PSMA7: variants seen among roughly 807,000 people sequenced by gnomAD.
PSMA7 encodes the protein proteasome 20S subunit alpha 7, also known as proteasome subunit alpha type-7.
Under a neutral mutation model 31.3 loss-of-function variants are expected in PSMA7, and 5 were observed. The ratio of observed to expected loss-of-function variants is 0.16; its 90% CI spans 0.08 to 0.34. The LOEUF (loss-of-function observed/expected upper bound fraction) is 0.34, where lower values mean the gene tolerates loss of function less well. PSMA7 is among the 10% of genes least tolerant of loss of function. The probability of loss-of-function intolerance (pLI) is 1.00; values close to 1 mark genes in which losing one functional copy is unlikely to be tolerated. For missense variants in PSMA7, 217 were observed against 327.5 expected, an observed-to-expected ratio of 0.66 and a Z score of 2.60; for synonymous variants, 155 against 121.9, an observed-to-expected ratio of 1.27 and a Z score of -1.79.
chr20:62,141,666 T>C (rs141608892), intron 1 of PSMA7, among the ~76,000 whole-genome samples: 132 of 152,354 alleles, frequency 8.7e-4, no homozygotes, highest in African/African-American at 2.9e-3. Context: ...CTGAAGGCAG[T>C]GTTTCTGTAG....
intron 1 of PSMA7, among the ~76,000 whole-genome samples, chr20:62,141,694 G>A (rs2056928117): frequency 6.6e-6 from 1 of 152,198 alleles, no homozygotes; most frequent in African/African-American, 2.4e-5. Context: ...ATTATATTGA[G>A]CCACAATGCA....
Position 62,143,194 on chromosome 20 carries a change from C to A in PSMA7, c.96+14G>T, listed in dbSNP as rs759877741. The A allele has an allele frequency of 2.9e-6, 4 of 1,372,320 alleles. No homozygotes were observed. The highest frequency in any genetic ancestry group is 1.3e-5 in the South Asian group (1 of 76,398). The allele number at this position is 1,372,320 out of a possible 1,614,324, so 85.0% of individuals were successfully genotyped here. ...GCCCGCGTCCCCGGCCCCGCGCAGG[C>A]CCCGCCGCCTCACCGCGGTCGAGCC... On this transcript the variant is annotated intron_variant, in intron 1 of 6. Coordinates refer to ENST00000370873, the MANE Select transcript of PSMA7 (RefSeq NM_002792.4).
intron 1 of PSMA7, 107 bp downstream of exon 1, chr20:62,143,101 C>T: frequency 1.6e-6 from 1 of 608,378 alleles, no homozygotes; most frequent in Non-Finnish European, 2.1e-6. Context: ...CTGCCCCGCG[C>T]ACGCCCGCGG....
Position 62,143,258 on chromosome 20 carries a change from G to T in PSMA7, c.46C>A (p.Leu16Ile). ...AITVFSPDGH[L>I]FQVEYAQEAV... ...TCCTGCGCGTACTCCACTTGGAAGAGGTGGCCGTCGGGCGAGAAGACGGTG... is the reference window on the plus strand; with the variant it reads ...TCCTGCGCGTACTCCACTTGGAAGATGTGGCCGTCGGGCGAGAAGACGGTG... Residue 16 changes from leucine to isoleucine, a missense_variant, in exon 1 of 7, where the codon CTC becomes ATC. This residue lies in a region of PSMA7 where 76 missense variants were observed against 96.5 expected (regional missense o/e 0.79). Coordinates refer to ENST00000370873, the MANE Select transcript of PSMA7 (RefSeq NM_002792.4). 6.8e-7 allele frequency: 1 copy of T among 1,480,336 alleles called. No homozygotes were observed. The highest frequency in any genetic ancestry group is 2.0e-5 in the Admixed American group (1 of 50,606). 91.7% of individuals were successfully genotyped at this position (1,480,336 alleles called of 1,614,324 possible).
chr20:62,142,580 A>C (rs2056939751), intron 1 of PSMA7: 1 of 152,236 alleles, frequency 6.6e-6, no homozygotes, highest in Admixed American at 6.5e-5. Flanking sequence ...CGTCCAAACC[A>C]GTCCTGACCC....
intron 1 of PSMA7, among the ~76,000 whole-genome samples, chr20:62,141,895 C>T (rs2056930187): frequency 6.6e-6 from 1 of 152,244 alleles, no homozygotes; most frequent in South Asian, 2.1e-4. Flanking sequence ...AGGGAACCAT[C>T]ATTGGGATAA....
intron 3 of PSMA7, 25 bp from the exon 4 acceptor site, chr20:62,139,222 T>A: frequency 6.2e-7 from 1 of 1,603,468 alleles, no homozygotes; most frequent in South Asian, 1.1e-5. Context: ...AACAGGTCAG[T>A]GCCATCCAAT....
chr20:62,139,060 T>C lies in PSMA7; in HGVS notation c.471+15A>G. 1.2e-6 allele frequency: 2 copies of C among 1,613,184 alleles called. No individual in the cohort carries two copies. Among genetic ancestry groups the C allele is most frequent in the Non-Finnish European group, 1.7e-6 (2 of 1,179,444 alleles). ...TCTGGCAAGACTGTCCAAAGCCCCT[T>C]TGTCACGAACTCACCTTCCAGGCAT... On this transcript the variant is annotated intron_variant, in intron 4 of 6. Transcript: ENST00000370873.
intron 3 of PSMA7, chr20:62,139,412 A>G: frequency 1.5e-6 from 1 of 673,666 alleles, no homozygotes; most frequent in South Asian, 2.0e-5. Flanking sequence ...TTGTGAACTC[A>G]GGTTACTGGA....
Position 62,139,766 on chromosome 20 carries a change from C to T in PSMA7, c.348+15G>A, listed in dbSNP as rs45488103. 2.5e-4 allele frequency: 404 copies of T among 1,613,876 alleles called. No homozygotes were observed. Among genetic ancestry groups the T allele is most frequent in the Non-Finnish European group, 3.1e-4 (368 of 1,180,020 alleles). ...CTGCTGCCAGAGGTGAGCATGCAAG[C>T]GGGCAGGCACCCACCTGCTTCAGAC... On this transcript the variant is annotated intron_variant, in intron 3 of 6. Coordinates refer to ENST00000370873, the MANE Select transcript of PSMA7 (RefSeq NM_002792.4).
At chr20:62,142,246 C>T (rs1188799444) in intron 1 of PSMA7, among the ~76,000 whole-genome samples, 1 of 152,140 alleles carries the variant, frequency 6.6e-6, no homozygotes, top group Non-Finnish European at 1.5e-5. Flanking sequence ...AAGCCAGCGG[C>T]GGCCAGCTGG....
At chr20:62,141,876 C>G (rs1222008898) in intron 1 of PSMA7, among the ~76,000 whole-genome samples, 2 of 152,206 alleles carry the variant, frequency 1.3e-5, no homozygotes, top group Non-Finnish European at 1.5e-5. Context: ...CGAGTCAAGC[C>G]AGAAACAAAG....
At chr20:62,138,800 C>T (rs1338403338) in intron 4 of PSMA7, among the ~76,000 whole-genome samples, 1 of 152,076 alleles carries the variant, frequency 6.6e-6, no homozygotes, top group East Asian at 1.9e-4. Flanking sequence ...TCAGGTGATC[C>T]AACTGCCTCG....
chr20:62,140,209 G>A (rs1167069050), intron 2 of PSMA7, among the ~76,000 whole-genome samples: 1 of 152,190 alleles, frequency 6.6e-6, no homozygotes, highest in Non-Finnish European at 1.5e-5. Context: ...CTGCCGTGCA[G>A]AATCTGGATT....
intron 1 of PSMA7, among the ~76,000 whole-genome samples, chr20:62,141,891 C>T (rs1001253195): frequency 6.6e-6 from 1 of 152,226 alleles, no homozygotes; most frequent in African/African-American, 2.4e-5. Flanking sequence ...ACAAAGGGAA[C>T]CATCATTGGG....
rs781415148 is a variant in PSMA7 at position 62,137,343 on chromosome 20, GCAGA to G, written c.654+17_654+20del. 1 of 1,612,662 alleles carries G rather than the reference GCAGA, an allele frequency of 6.2e-7. No homozygotes were observed. The highest frequency in any genetic ancestry group is 1.3e-5 in the African/African-American group (1 of 74,994). On this transcript the variant is annotated intron_variant, in intron 6 of 6. Transcript: ENST00000370873. The stretch of plus-strand genomic sequence containing the variant: ...GGGAGAAAACTGACAGGTAAAGAAA[GCAGA>G]CAAACTTGGTGATTACCTTGAGGGA...
intron 6 of PSMA7, 80 bp from the exon 7 acceptor site, chr20:62,137,029 G>A (rs1347263620): frequency 1.9e-6 from 3 of 1,556,876 alleles, no homozygotes; most frequent in African/African-American, 2.8e-5. Context: ...AGGGCGGCCA[G>A]GCTTTGGCAC....
In PSMA7 at chr20:62,138,189, C is replaced by G. The variant is rs1223271173; in HGVS notation, c.573G>C (p.Val191=). 29 of 1,614,106 alleles carry G rather than the reference C, an allele frequency of 1.8e-5. No individual in the cohort carries two copies. Among genetic ancestry groups the G allele is most frequent in the Non-Finnish European group, 2.5e-5 (29 of 1,180,042 alleles). ...IETDDLTIKL[V]IKALLEVVQS... ...AACTTACTTCCAGGAGTGCCTTGAT[C>G]ACCAGCTTAATGGTCAGATCATCTG... Residue 191 remains valine (V), a synonymous_variant, in exon 5 of 7, where the codon GTG becomes GTC. Coordinates refer to ENST00000370873, the MANE Select transcript of PSMA7 (RefSeq NM_002792.4).
intron 2 of PSMA7, among the ~76,000 whole-genome samples, chr20:62,140,271 T>TGG (rs2145665359): frequency 6.6e-6 from 1 of 152,360 alleles, no homozygotes; most frequent in South Asian, 2.1e-4. Context: ...ATTGTGTACT[T>TGG]CAGACCATAC....
Sources: gnomAD v4.1 joint callset for allele counts (sites outside exome capture counted in the v4.1 genomes callset) on GRCh38, gnomAD v4.1.1 for gene constraint, gnomAD v4.1.1 regional missense constraint, MANE v1.5 for transcripts, NCBI Gene and HGNC (gene_info 2026-07-23, HGNC 2026-07-21) for gene names.